Variants in NFKB1 observed in about 807,000 individuals in gnomAD.
NFKB1 encodes nuclear factor kappa B subunit 1, also known as nuclear factor NF-kappa-B p105 subunit.
Under a neutral mutation model 105.1 loss-of-function variants are expected in NFKB1, and 9 were observed. The ratio of observed to expected loss-of-function variants is 0.09; its 90% CI spans 0.05 to 0.15. The LOEUF is 0.15. Ranked by LOEUF, NFKB1 falls within the 10% of genes least tolerant of loss-of-function variation. The pLI is 1.00. For synonymous variants in NFKB1, 440 were observed against 442.2 expected (o/e 1.00, Z 0.06); for missense variants, 830 against 1,203.7 (o/e 0.69, Z 4.59).
At chr4:102,574,125 CTTTT>C (rs56977004) in intron 6 of NFKB1, among the ~76,000 whole-genome samples, 7 of 93,268 alleles carry the variant, frequency 7.5e-5, no homozygotes, top group Admixed American at 2.2e-4. Flanking sequence ...TCTTGGATTC[CTTTT>C]TTTTTTTTTT....
chr4:102,561,296 T>TTTGC (rs1723424114), intron 5 of NFKB1, among the ~76,000 whole-genome samples: 1 of 133,442 alleles, frequency 7.5e-6, no homozygotes, highest in African/African-American at 2.8e-5. Flanking sequence ...TGTGTGTGTG[T>TTTGC]GCCTGATAAT....
chr4:102,589,813 GC>G (rs1265033349), intron 11 of NFKB1, among the ~76,000 whole-genome samples: 1 of 151,680 alleles, frequency 6.6e-6, no homozygotes, highest in Non-Finnish European at 1.5e-5. Flanking sequence ...AACTGCTCCA[GC>G]CCAAAAAAAG....
chr4:102,504,422 G>A (rs115417334), intron 1 of NFKB1, among the ~76,000 whole-genome samples: 1 of 152,150 alleles, frequency 6.6e-6, no homozygotes, highest in African/African-American at 2.4e-5. Context: ...CTTTTAGTAG[G>A]AAGTTTGTTT....
At chr4:102,519,502 T>G (rs1288087973) in intron 1 of NFKB1, among the ~76,000 whole-genome samples, 1 of 151,516 alleles carries the variant, frequency 6.6e-6, no homozygotes, top group East Asian at 1.9e-4. Context: ...AAATTTTTTT[T>G]TAAAAAAAGA....
intron 4 of NFKB1, chr4:102,537,570 A>G (rs1435753732): frequency 1.8e-5 from 4 of 228,232 alleles, no homozygotes; most frequent in South Asian, 7.6e-5. Context: ...TCTAAAGCCT[A>G]AACTCTTCAG....
intron 22 of NFKB1, among the ~76,000 whole-genome samples, 172 bp from the exon 23 acceptor site, chr4:102,613,253 C>G (rs1728598219): frequency 6.6e-6 from 1 of 152,136 alleles, no homozygotes. Flanking sequence ...AAACAGGAAA[C>G]TTGATTCGAA....
chr4:102,551,458 C>A (rs574558908), intron 5 of NFKB1, among the ~76,000 whole-genome samples: 1 of 152,120 alleles, frequency 6.6e-6, no homozygotes, highest in Non-Finnish European at 1.5e-5. Flanking sequence ...GATAGTCTCT[C>A]CCTTCTCTGT....
At chr4:102,522,696 C>T (rs2149110072) in intron 1 of NFKB1, among the ~76,000 whole-genome samples, 1 of 152,276 alleles carries the variant, frequency 6.6e-6, no homozygotes, top group South Asian at 2.1e-4. Context: ...TCAACAGCCT[C>T]ACCTCTGTTT....
At chr4:102,614,664 G>A (rs1391833211) in intron 23 of NFKB1, among the ~76,000 whole-genome samples, 1 of 152,032 alleles carries the variant, frequency 6.6e-6, no homozygotes, top group African/African-American at 2.4e-5. Context: ...TGCCAGATCT[G>A]GTCACCTCCT....
intron 5 of NFKB1, among the ~76,000 whole-genome samples, chr4:102,552,842 T>C (rs1578753791): frequency 6.6e-6 from 1 of 152,184 alleles, no homozygotes; most frequent in Non-Finnish European, 1.5e-5. Flanking sequence ...TTTGAGAAAC[T>C]TTGGTGTTTC....
rs377492721 is a variant in NFKB1, at chr4:102,616,358, A to G, written c.2750-76A>G. The G allele has an allele frequency of 2.4e-5, 36 of 1,506,698 alleles. No homozygotes were observed. The East Asian group carries it at 5.7e-4, about 24-fold the overall frequency. 93.3% of individuals were successfully genotyped at this position (1,506,698 alleles called of 1,614,324 possible). ...TGGCTGGCAGAAGCCAGTGGGCAAG[A>G]GTTGTCCACAGAATAGTCCATGAGC... On this transcript the variant is annotated intron_variant, in intron 23 of 23. Coordinates refer to ENST00000226574, the MANE Select transcript of NFKB1 (RefSeq NM_003998.4).
At chr4:102,534,714 G>A (rs971308895) in intron 4 of NFKB1, among the ~76,000 whole-genome samples, 4 of 152,206 alleles carry the variant, frequency 2.6e-5, no homozygotes, top group African/African-American at 9.6e-5. Flanking sequence ...ACATTTGTGT[G>A]TGACTGAGGA....
intron 17 of NFKB1, 35 bp from the exon 18 acceptor site, chr4:102,607,115 C>A: frequency 6.2e-7 from 1 of 1,611,332 alleles, no homozygotes; most frequent in Non-Finnish European, 8.5e-7. Flanking sequence ...AGTTAGCCAT[C>A]CCATCCTGTG....
At chr4:102,605,139 C>A (rs1373158481) in intron 16 of NFKB1, among the ~76,000 whole-genome samples, 1 of 152,104 alleles carries the variant, frequency 6.6e-6, no homozygotes, top group East Asian at 1.9e-4. Flanking sequence ...TCAGAAAACA[C>A]AGATTAGTAA....
At position 102,583,047 on chromosome 4, in the gene NFKB1, A is replaced by G. The variant is rs1725438335; in HGVS notation, c.927+90A>G. 3.7e-6 allele frequency: 3 copies of G among 815,964 alleles called. No homozygotes were observed. The Admixed American group carries it at 6.5e-5, about 18-fold the overall frequency. 50.5% of individuals were successfully genotyped at this position (815,964 alleles called of 1,614,324 possible). A position where few individuals can be genotyped will look rare whatever the true frequency, so the allele number is the denominator to read the frequency against. The stretch of plus-strand genomic sequence containing the variant: ...CAGGCTGCAGTGCAGTGGTACAATC[A>G]CAGCTCACTGTATCCCCCAACTGTT... On this transcript the variant is annotated intron_variant, in intron 10 of 23. Transcript: ENST00000226574.
intron 1 of NFKB1, among the ~76,000 whole-genome samples, chr4:102,522,503 GC>G (rs1740636100): frequency 6.6e-6 from 1 of 152,150 alleles, no homozygotes; most frequent in South Asian, 2.1e-4. Context: ...TTGGGTGCCT[GC>G]AATTGACAGA....
chr4:102,502,390 GCACA>G (rs754187388), intron 1 of NFKB1, among the ~76,000 whole-genome samples: 8,859 of 105,158 alleles, frequency 0.084, 471 homozygotes, highest in Non-Finnish European at 0.1. Flanking sequence ...GCGCGCGCGC[GCACA>G]CACACACACA....
intron 1 of NFKB1, among the ~76,000 whole-genome samples, chr4:102,514,632 A>G (rs1342478256): frequency 1.3e-5 from 2 of 152,176 alleles, no homozygotes; most frequent in Admixed American, 6.5e-5. Context: ...AGACTAAGAC[A>G]TTTCCTGACA....
At chr4:102,580,726 A>G in intron 9 of NFKB1, 87 bp downstream of exon 9, 1 of 1,051,958 alleles carries the variant, frequency 9.5e-7, no homozygotes, top group Non-Finnish European at 1.4e-6. Context: ...ACATTTCAGC[A>G]GTGGACAAGA....
Sources: allele counts gnomAD v4.1 joint callset (sites outside exome capture counted in the v4.1 genomes callset), GRCh38; gene constraint gnomAD v4.1.1; transcripts MANE v1.5; gene names NCBI Gene and HGNC (gene_info 2026-07-23, HGNC 2026-07-21).